CHD2: variants seen among roughly 807,000 people sequenced by gnomAD.
CHD2 encodes chromodomain helicase DNA binding protein 2, also known as ATP-dependent chromatin remodeler CHD2.
CHD2 carries 28 observed loss-of-function variants against 243.9 expected under a neutral mutation model. The observed-to-expected ratio is 0.11, with a 90% CI of 0.09 to 0.16. The LOEUF (loss-of-function observed/expected upper bound fraction) is 0.16, where lower values mean the gene tolerates loss of function less well. CHD2 is among the 10% of genes least tolerant of loss of function. The pLI is 1.00. For synonymous variants in CHD2, 775 were observed against 779.0 expected, an observed-to-expected ratio of 0.99 and a Z score of 0.09; for missense variants, 1,386 against 2,209.8, an observed-to-expected ratio of 0.63 and a Z score of 7.47.
At chr15:92,905,521 T>C (rs1371269970) in intron 2 of CHD2, among the ~76,000 whole-genome samples, 2 of 152,208 alleles carry the variant, frequency 1.3e-5, no homozygotes, top group Non-Finnish European at 2.9e-5. Flanking sequence ...TTAGAGTTAT[T>C]TTAGTAAAGT....
chr15:92,993,612 A>G (rs2141862632), intron 28 of CHD2, among the ~76,000 whole-genome samples: 1 of 146,916 alleles, frequency 6.8e-6, no homozygotes, highest in African/African-American at 2.5e-5. Context: ...ACTCTGAAGT[A>G]GTTATTGGTA....
At chr15:92,920,457 C>T (rs2052933456) in intron 2 of CHD2, among the ~76,000 whole-genome samples, 1 of 152,220 alleles carries the variant, frequency 6.6e-6, no homozygotes, top group South Asian at 2.1e-4. Flanking sequence ...AGATGGGCAT[C>T]CATATAGACA....
intron 2 of CHD2, among the ~76,000 whole-genome samples, chr15:92,918,249 A>T (rs1163895665): frequency 2.0e-5 from 3 of 152,234 alleles, no homozygotes; most frequent in Admixed American, 2.0e-4. Flanking sequence ...TTTTGAAGAG[A>T]TACCAAATTC....
intron 33 of CHD2, 134 bp downstream of exon 33, chr15:93,002,451 GC>G: frequency 7.3e-7 from 1 of 1,373,428 alleles, no homozygotes; most frequent in Non-Finnish European, 9.7e-7. Context: ...GATGGGTGGG[GC>G]CGTTGATGGG....
intron 32 of CHD2, among the ~76,000 whole-genome samples, chr15:93,001,639 C>A (rs1333440948): frequency 6.6e-6 from 1 of 152,080 alleles, no homozygotes; most frequent in Non-Finnish European, 1.5e-5. Flanking sequence ...GCCGCAGCCT[C>A]CCAAATAGCT....
At chr15:92,977,041 A>G (rs1300722993) in intron 20 of CHD2, among the ~76,000 whole-genome samples, 3 of 152,172 alleles carry the variant, frequency 2.0e-5, no homozygotes, top group Non-Finnish European at 2.9e-5. Context: ...TGCAGACGAC[A>G]TATTATAATC....
At chr15:92,903,243 T>G (rs962039421) in intron 2 of CHD2, among the ~76,000 whole-genome samples, 8 of 152,242 alleles carry the variant, frequency 5.3e-5, no homozygotes, top group Non-Finnish European at 7.3e-5. Flanking sequence ...TTACTTCTAC[T>G]GAGCTGAACT....
At chr15:92,930,638 C>G (rs1182795577) in intron 5 of CHD2, among the ~76,000 whole-genome samples, 3 of 152,106 alleles carry the variant, frequency 2.0e-5, no homozygotes, top group Non-Finnish European at 4.4e-5. Flanking sequence ...CACTATGTTT[C>G]TCAGGCTGGT....
intron 26 of CHD2, among the ~76,000 whole-genome samples, chr15:92,990,629 C>G (rs2054105570): frequency 6.6e-6 from 1 of 152,162 alleles, no homozygotes; most frequent in South Asian, 2.1e-4. Flanking sequence ...CTGCGCTGTT[C>G]CTTTAATGTT....
chr15:93,009,221 A>G lies in CHD2; in HGVS notation c.4490A>G (p.Glu1497Gly). 1 of 1,614,226 alleles carries G rather than the reference A, an allele frequency of 6.2e-7. No homozygotes were observed. Among genetic ancestry groups the G allele is most frequent in the Non-Finnish European group, 8.5e-7 (1 of 1,180,034 alleles). ...DKPDKGLNVQ[E>G]QLEHTRNCLL... The stretch of plus-strand genomic sequence containing the variant: ...CCTGACAAGGGGCTCAACGTGCAAG[A>G]ACAGCTGGAACACACCCGGAACTGC... Residue 1497 changes from glutamate (E) to glycine (G), a missense_variant, in exon 35 of 39, where the codon GAA becomes GGA. By Grantham distance (98) the Glu-to-Gly change is moderately conservative (BLOSUM62 -2). Transcript: ENST00000394196.
intron 17 of CHD2, among the ~76,000 whole-genome samples, chr15:92,968,211 C>G (rs1161894683): frequency 6.6e-6 from 1 of 152,094 alleles, no homozygotes; most frequent in African/African-American, 2.4e-5. Flanking sequence ...TTTGCTGATT[C>G]TAGCTCCATG....
intron 6 of CHD2, among the ~76,000 whole-genome samples, chr15:92,938,529 C>A (rs1371636616): frequency 6.6e-6 from 1 of 152,076 alleles, no homozygotes; most frequent in Non-Finnish European, 1.5e-5. Flanking sequence ...TTGTACTTAC[C>A]CCCCAACACC....
chr15:93,019,947 A>AAAT (rs1309240805), intron 37 of CHD2, 65 bp from the exon 38 acceptor site: 1 of 1,547,466 alleles, frequency 6.5e-7, no homozygotes, highest in Non-Finnish European at 8.7e-7. Context: ...AAAAAAAAAA[A>AAAT]TTGTAGTGAA....
At chr15:92,943,733 A>T (rs1318912133) in intron 9 of CHD2, 1 of 153,622 alleles carries the variant, frequency 6.5e-6, no homozygotes, top group Admixed American at 6.4e-5. Flanking sequence ...GCCTGAAGAC[A>T]TACCTGTCTG....
chr15:92,906,012 T>A (rs565052192), intron 2 of CHD2, among the ~76,000 whole-genome samples: 1 of 152,230 alleles, frequency 6.6e-6, no homozygotes, highest in Non-Finnish European at 1.5e-5. Flanking sequence ...TTAATTATTT[T>A]TGAAGAGGAT....
At position 93,015,505 on chromosome 15, in the gene CHD2, G is replaced by C. The variant is rs142464788; in HGVS notation, c.4906+596G>C. 6.6e-3 allele frequency among the ~76,000 whole-genome samples: 1,011 copies of C among 152,136 alleles called. 4 individuals carry two copies. The highest frequency in any genetic ancestry group is 0.011 in the Admixed American group (164 of 15,200). ...GGTTAAAACTGCTAATCTTGAAAGA[G>C]CTCTTGTAAATTGAGAACAAAACAA... is the stretch of plus-strand genomic sequence containing the variant. On this transcript the variant is annotated intron_variant, in intron 37 of 38. Transcript: ENST00000394196.
chr15:92,903,087 TAA>T (rs1243389227), intron 2 of CHD2, among the ~76,000 whole-genome samples: 1 of 152,224 alleles, frequency 6.6e-6, no homozygotes, highest in Admixed American at 6.5e-5. Flanking sequence ...CAAAAATATT[TAA>T]GACTCTTTGA....
At chr15:93,000,034 G>A (rs1490323585) in intron 31 of CHD2, among the ~76,000 whole-genome samples, 1 of 152,152 alleles carries the variant, frequency 6.6e-6, no homozygotes, top group Non-Finnish European at 1.5e-5. Context: ...TGAGGTGGGT[G>A]GATCACCTGA....
At chr15:93,008,105 G>GT (rs1450256951) in intron 34 of CHD2, among the ~76,000 whole-genome samples, 1 of 152,178 alleles carries the variant, frequency 6.6e-6, no homozygotes, top group Non-Finnish European at 1.5e-5. Flanking sequence ...ATCATTTGGT[G>GT]TTTCCTCTGG....
Sources: gnomAD v4.1 joint callset for allele counts (sites outside exome capture counted in the v4.1 genomes callset) on GRCh38, gnomAD v4.1.1 for gene constraint, MANE v1.5 for transcripts, NCBI Gene and HGNC (gene_info 2026-07-23, HGNC 2026-07-21) for gene names.